Variants in ERO1A observed in about 807,000 individuals in gnomAD.
ERO1A encodes ERO1-like protein alpha.
Under a neutral mutation model 76.9 loss-of-function variants are expected in ERO1A, and 49 were observed. The observed-to-expected ratio is 0.64, with a 90% confidence interval of 0.51 to 0.81. The LOEUF (loss-of-function observed/expected upper bound fraction) is 0.81. Ranked by LOEUF, ERO1A falls within the 30% of genes least tolerant of loss-of-function variation. The pLI, the probability that ERO1A is intolerant of heterozygous loss-of-function variation, is 0.00. For missense variants in ERO1A, 448 were observed against 542.1 expected (o/e 0.83, Z 1.72); for synonymous variants, 174 against 181.2 (o/e 0.96, Z 0.32).
chr14:52,653,027 G>T, intron 12 of ERO1A, 42 bp downstream of exon 12: 5 of 1,328,592 alleles, frequency 3.8e-6, no homozygotes, highest in Non-Finnish European at 4.2e-6. Flanking sequence ...TACATTAATT[G>T]TCACTCTTCT....
intron 13 of ERO1A, among the ~76,000 whole-genome samples, chr14:52,651,556 C>A (rs946045543): frequency 8.8e-5 from 13 of 147,274 alleles, no homozygotes; most frequent in African/African-American, 3.0e-4. Flanking sequence ...GTGGCACCTG[C>A]CTTTGGACTT....
intron 1 of ERO1A, among the ~76,000 whole-genome samples, chr14:52,693,912 G>A (rs1347307696): frequency 6.6e-6 from 1 of 152,182 alleles, no homozygotes; most frequent in Non-Finnish European, 1.5e-5. Flanking sequence ...ATTTGAATAT[G>A]AGGGTATTGT....
chr14:52,674,858 C>T (rs142689160), intron 4 of ERO1A, among the ~76,000 whole-genome samples: 6 of 152,296 alleles, frequency 3.9e-5, no homozygotes, highest in African/African-American at 1.4e-4. Context: ...AAGATTTGCA[C>T]ATTTCATTGT....
Position 52,671,790 on chromosome 14 carries a change from C to T in ERO1A, c.434+5G>A. 6.2e-7 allele frequency: 1 copy of T among 1,602,402 alleles called. No homozygotes were observed. The highest frequency in any genetic ancestry group is 1.1e-5 in the South Asian group (1 of 88,028). ...ATGAAATACTGCTGAAAAATAAAAT[C>T]AAACCTCAGAGATTCATCCACTGCT... On this transcript the variant is annotated splice_donor_5th_base_variant and intron_variant, in intron 5 of 15. Transcript: ENST00000395686.
At chr14:52,671,905 T>C (rs1216374780) in intron 4 of ERO1A, 34 bp from the exon 5 acceptor site, 1 of 1,329,248 alleles carries the variant, frequency 7.5e-7, no homozygotes, top group Non-Finnish European at 1.1e-6. Context: ...AGATAATAAC[T>C]TATTGCATTT....
chr14:52,694,036 AG>A lies in ERO1A; in HGVS notation c.114+1331del, dbSNP rs1566649969. ...GGTTATTAAGGAAAAAAAAAGTAAA[AG>A]TTGAAGAGTTCAACATGTACTTTTA... is the stretch of plus-strand genomic sequence containing the variant. On this transcript the variant is annotated intron_variant, in intron 1 of 15. Coordinates refer to ENST00000395686, the MANE Select transcript of ERO1A (RefSeq NM_014584.3). Among the ~76,000 whole-genome samples, 8 of 152,374 alleles carry A rather than the reference AG, an allele frequency of 5.3e-5. No homozygotes were observed. In the South Asian group the frequency reaches 1.4e-3, roughly 28 times the overall value.
intron 4 of ERO1A, among the ~76,000 whole-genome samples, chr14:52,674,872 G>T (rs774263201): frequency 1.3e-5 from 2 of 152,122 alleles, no homozygotes; most frequent in African/African-American, 4.8e-5. Context: ...TCATTGTATG[G>T]TAATACTTTT....
chr14:52,670,634 A>C (rs1192608141), intron 6 of ERO1A, among the ~76,000 whole-genome samples: 1 of 152,228 alleles, frequency 6.6e-6, no homozygotes, highest in Admixed American at 6.5e-5. Context: ...CTAACGGTTC[A>C]ATATTCACTT....
At chr14:52,646,100 T>G in intron 15 of ERO1A, 54 bp downstream of exon 15, 1 of 1,550,234 alleles carries the variant, frequency 6.5e-7, no homozygotes. Context: ...AGAGCATATA[T>G]GTTGCATTAG....
intron 7 of ERO1A, among the ~76,000 whole-genome samples, chr14:52,665,771 G>C (rs1260463552): frequency 6.6e-6 from 1 of 152,124 alleles, no homozygotes; most frequent in Non-Finnish European, 1.5e-5. Context: ...TCACTTACTA[G>C]ATCTTTGACA....
At chr14:52,688,202 A>G (rs1384021566) in intron 1 of ERO1A, among the ~76,000 whole-genome samples, 1 of 149,980 alleles carries the variant, frequency 6.7e-6, no homozygotes, top group East Asian at 1.9e-4. Context: ...ATAGAAAAGA[A>G]AAAAAAAAAG....
intron 13 of ERO1A, among the ~76,000 whole-genome samples, chr14:52,648,538 G>C (rs1435901463): frequency 6.6e-6 from 1 of 152,110 alleles, no homozygotes; most frequent in African/African-American, 2.4e-5. Flanking sequence ...GAAATGTTAT[G>C]ATCAATAAAA....
intron 13 of ERO1A, 93 bp downstream of exon 13, chr14:52,652,126 CTGGCCTACTCTCTACTTCTA>C (rs942115640): frequency 4.3e-5 from 25 of 581,222 alleles, no homozygotes; most frequent in East Asian, 1.2e-4. Context: ...GCCACTGCCC[CTGGCCTACTCTCTACTTCTA>C]TGGCCTACTC....
intron 13 of ERO1A, chr14:52,646,731 A>C (rs1384113186): frequency 3.5e-6 from 1 of 287,878 alleles, no homozygotes; most frequent in African/African-American, 2.2e-5. Flanking sequence ...TAACTTGCCT[A>C]AATTCCCACA....
rs2039540010 is a variant in ERO1A at position 52,643,424 on chromosome 14, T to G, written c.*146A>C. ...TTAACACAATTTTTAAAAATGTGTT[T>G]ACTTAAAACAATATAATTCTCCTTT... On this transcript the variant is annotated 3_prime_UTR_variant, in exon 16 of 16. Coordinates refer to ENST00000395686, the MANE Select transcript of ERO1A (RefSeq NM_014584.3). 9.9e-6 allele frequency: 5 copies of G among 507,524 alleles called. No homozygotes were observed. The South Asian group carries it at 1.9e-4, about 19-fold the overall frequency. 31.4% of individuals were successfully genotyped at this position (507,524 alleles called of 1,614,324 possible).
intron 8 of ERO1A, among the ~76,000 whole-genome samples, chr14:52,662,630 A>G (rs1009136248): frequency 1.3e-5 from 2 of 152,216 alleles, no homozygotes; most frequent in African/African-American, 2.4e-5. Context: ...ACCATTCTTC[A>G]TATTACAGAT....
chr14:52,689,934 C>G (rs1422483847), intron 1 of ERO1A, among the ~76,000 whole-genome samples: 1 of 152,192 alleles, frequency 6.6e-6, no homozygotes, highest in Non-Finnish European at 1.5e-5. Context: ...GAAACACATA[C>G]ATAGACCAAT....
At chr14:52,674,195 G>T (rs956312989) in intron 4 of ERO1A, among the ~76,000 whole-genome samples, 1 of 152,022 alleles carries the variant, frequency 6.6e-6, no homozygotes, top group African/African-American at 2.4e-5. Context: ...TCAGTCTATC[G>T]ATTAAATGAA....
chr14:52,676,342 G>C (rs538596489), intron 4 of ERO1A, among the ~76,000 whole-genome samples: 1 of 152,202 alleles, frequency 6.6e-6, no homozygotes, highest in Non-Finnish European at 1.5e-5. Context: ...TCTCTATGTA[G>C]GATTGCTCGG....
Sources: gnomAD v4.1 joint callset for allele counts (sites outside exome capture counted in the v4.1 genomes callset) on GRCh38, gnomAD v4.1.1 for gene constraint, MANE v1.5 for transcripts, NCBI Gene and HGNC (gene_info 2026-07-23, HGNC 2026-07-21) for gene names.